SLC24A2: variants seen among roughly 807,000 people sequenced by gnomAD.
SLC24A2 encodes the protein sodium/potassium/calcium exchanger 2.
SLC24A2 carries 36 observed loss-of-function variants against 62.0 expected under a neutral mutation model. The observed-to-expected ratio is 0.58, with a 90% CI of 0.44 to 0.77. The LOEUF (loss-of-function observed/expected upper bound fraction) is 0.77, where lower values mean the gene tolerates loss of function less well. SLC24A2 is among the 30% of genes least tolerant of loss of function. The pLI is 0.00. For synonymous variants in SLC24A2, 358 were observed against 294.0 expected (o/e 1.22, Z -2.23); for missense variants, 846 against 817.9 (o/e 1.03, Z -0.42).
chr9:19,871,069 G>T, the SLC24A2 span, among the ~76,000 whole-genome samples: 2 of 151,706 alleles, frequency 1.3e-5, no homozygotes, highest in African/African-American at 2.4e-5. Flanking sequence ...ACTAATCCAA[G>T]GTCAGAAAGA....
At chr9:19,549,309 G>A (rs1332140406) in intron 8 of SLC24A2, among the ~76,000 whole-genome samples, 1 of 152,110 alleles carries the variant, frequency 6.6e-6, no homozygotes, top group African/African-American at 2.4e-5. Flanking sequence ...CAAATTCTTT[G>A]ACACTCTTCC....
chr9:20,120,459 A>G, the SLC24A2 span, among the ~76,000 whole-genome samples: 2 of 152,174 alleles, frequency 1.3e-5, no homozygotes, highest in African/African-American at 4.8e-5. Context: ...CGAAACAGAA[A>G]ATCAAATACC....
the SLC24A2 span, among the ~76,000 whole-genome samples, chr9:19,847,545 A>G: frequency 2.0e-5 from 3 of 152,186 alleles, no homozygotes; most frequent in African/African-American, 7.2e-5. Flanking sequence ...ATGGGTTTGT[A>G]AGGTAATTTG....
chr9:19,629,437 T>C (rs909298052), intron 2 of SLC24A2, among the ~76,000 whole-genome samples: 4 of 152,230 alleles, frequency 2.6e-5, no homozygotes, highest in Non-Finnish European at 1.5e-5. Flanking sequence ...AAAAAGCTAG[T>C]ATCTGGGAGT....
the SLC24A2 span, among the ~76,000 whole-genome samples, chr9:20,160,340 AACAGAAG>A: frequency 1.5e-4 from 22 of 151,464 alleles, no homozygotes; most frequent in African/African-American, 4.8e-4. Flanking sequence ...ACACATTAGT[AACAGAAG>A]ACTTTAACAT....
intron 2 of SLC24A2, among the ~76,000 whole-genome samples, chr9:19,761,501 C>T (rs1019562194): frequency 3.0e-4 from 41 of 138,780 alleles, no homozygotes; most frequent in African/African-American, 1.1e-3. Context: ...TATTATTATA[C>T]TTTAAGTTTT....
the SLC24A2 span, among the ~76,000 whole-genome samples, chr9:20,230,702 TA>T: frequency 3.5e-4 from 53 of 152,336 alleles, no homozygotes; most frequent in East Asian, 8.3e-3. Flanking sequence ...ACTCTGATAG[TA>T]GTTTCTTTTG....
intron 5 of SLC24A2, among the ~76,000 whole-genome samples, chr9:19,585,764 G>C (rs1836353755): frequency 6.6e-6 from 1 of 152,142 alleles, no homozygotes; most frequent in South Asian, 2.1e-4. Flanking sequence ...TGCTCCATTT[G>C]AGAGCCATCC....
chr9:19,744,876 G>A lies in SLC24A2; in HGVS notation c.930+41061C>T, dbSNP rs551863006. Among the ~76,000 whole-genome samples, 3 of 152,090 alleles carry A rather than the reference G, an allele frequency of 2.0e-5. No individual in the cohort carries two copies. The South Asian group carries it at 6.2e-4, about 32-fold the overall frequency. ...CTATTGGCTTCTTTTCCACATCCACGGTTCTCTCCTTATCCAACTTCAATA... is the reference window on the plus strand; with the variant it reads ...CTATTGGCTTCTTTTCCACATCCACAGTTCTCTCCTTATCCAACTTCAATA... On this transcript the variant is annotated intron_variant, in intron 2 of 10. Coordinates refer to ENST00000341998, the MANE Select transcript of SLC24A2 (RefSeq NM_020344.4).
chr9:19,983,078 C>T, the SLC24A2 span, among the ~76,000 whole-genome samples: 5 of 152,272 alleles, frequency 3.3e-5, no homozygotes, highest in East Asian at 9.6e-4. Context: ...ATATCAAAAG[C>T]TTGCCCCCTA....
Position 19,516,383 on chromosome 9 carries a change from G to A in SLC24A2, c.1756C>T (p.Leu586=). The change falls in exon 11 of 11, where the codon CTG becomes TTG. Residue 586 remains leucine, a synonymous_variant. Transcript: ENST00000341998. ...TGGAATCTGTGAATGACGGTGTACA[G>A]GAGCCAGGGCAGTGGGAGCCTGTGC... ...ITVGLPLPWL[L]YTVIHRFQPV... 3 of 1,614,002 alleles carry A rather than the reference G, an allele frequency of 1.9e-6. No individual in the cohort carries two copies. Among genetic ancestry groups the A allele is most frequent in the Non-Finnish European group, 2.5e-6 (3 of 1,180,006 alleles).
the SLC24A2 span, among the ~76,000 whole-genome samples, chr9:19,863,102 A>C: frequency 6.6e-6 from 1 of 152,144 alleles, no homozygotes; most frequent in Admixed American, 6.5e-5. Context: ...GAGTTGCTGT[A>C]CTTATGCAAA....
chr9:20,033,945 C>A, the SLC24A2 span, among the ~76,000 whole-genome samples: 2 of 152,214 alleles, frequency 1.3e-5, no homozygotes. Context: ...CTCTTGAATT[C>A]TTTCCTGCAA....
chr9:19,567,247 G>A lies in SLC24A2; in HGVS notation c.1347+6104C>T, dbSNP rs563116346. On this transcript the variant is annotated intron_variant, in intron 7 of 10. Transcript: ENST00000341998. ...TTGCCATCATACTAAAAAACGAGAAGTAAAAGTAAGGAATATGGGCCGGGC... is the reference window on the plus strand; with the variant it reads ...TTGCCATCATACTAAAAAACGAGAAATAAAAGTAAGGAATATGGGCCGGGC... Among the ~76,000 whole-genome samples the A allele has an allele frequency of 4.6e-5, 7 of 151,372 alleles. No individual in the cohort carries two copies. The East Asian group carries it at 5.8e-4, about 13-fold the overall frequency.
At chr9:19,666,195 CAGG>C (rs1273912578) in intron 2 of SLC24A2, among the ~76,000 whole-genome samples, 2 of 152,008 alleles carry the variant, frequency 1.3e-5, no homozygotes, top group Non-Finnish European at 2.9e-5. Flanking sequence ...CGCTTGAGCC[CAGG>C]AGTTGAGATC....
At chr9:19,785,868 A>G in intron 2 of SLC24A2, 69 bp downstream of exon 2, 2 of 1,603,418 alleles carry the variant, frequency 1.2e-6, no homozygotes, top group Admixed American at 1.7e-5. Context: ...AGAACTGCAG[A>G]TCTCAAAAAC....
chr9:20,225,227 T>G, the SLC24A2 span, among the ~76,000 whole-genome samples: 1 of 151,964 alleles, frequency 6.6e-6, no homozygotes, highest in African/African-American at 2.4e-5. Flanking sequence ...TTTTAGAAAT[T>G]TGAATGCTTC....
the SLC24A2 span, among the ~76,000 whole-genome samples, chr9:19,857,738 T>G: frequency 2.5e-5 from 3 of 118,700 alleles, no homozygotes; most frequent in Non-Finnish European, 5.6e-5. Context: ...CTAACATTAC[T>G]TCAGTAGGTT....
chr9:19,594,820 G>A (rs1836661440), intron 5 of SLC24A2, among the ~76,000 whole-genome samples: 1 of 152,196 alleles, frequency 6.6e-6, no homozygotes, highest in Non-Finnish European at 1.5e-5. Context: ...ACCCTTGAGA[G>A]TTTGAAGAGG....
Sources: allele counts gnomAD v4.1 joint callset (sites outside exome capture counted in the v4.1 genomes callset), GRCh38; gene constraint gnomAD v4.1.1; transcripts MANE v1.5; gene names NCBI Gene and HGNC (gene_info 2026-07-23, HGNC 2026-07-21).